The following ENTREP2 variants were observed in gnomAD, a reference collection of about 807,000 sequenced individuals.
ENTREP2 encodes endosomal transmembrane epsin interactor 2.
At chr15:29,318,542 G>C in the ENTREP2 span, among the ~76,000 whole-genome samples, 5 of 152,006 alleles carry the variant, frequency 3.3e-5, no homozygotes, top group Admixed American at 2.0e-4. Flanking sequence ...GGATGGTCTC[G>C]ATCTCCTGAC....
chr15:29,228,784 CA>C, the ENTREP2 span, among the ~76,000 whole-genome samples: 7 of 151,996 alleles, frequency 4.6e-5, no homozygotes, highest in African/African-American at 1.7e-4. Context: ...TAGAAATGTA[CA>C]AAAATATTGT....
the ENTREP2 span, among the ~76,000 whole-genome samples, chr15:29,224,311 G>A: frequency 4.6e-5 from 7 of 152,240 alleles, no homozygotes; most frequent in East Asian, 3.9e-4. Flanking sequence ...GATAAAGGCA[G>A]TTTGGACCCA....
At chr15:29,517,423 G>C in the ENTREP2 span, among the ~76,000 whole-genome samples, 1 of 152,192 alleles carries the variant, frequency 6.6e-6, no homozygotes, top group African/African-American at 2.4e-5. Flanking sequence ...GAACCCAGCT[G>C]TCTGGGTCCC....
the ENTREP2 span, among the ~76,000 whole-genome samples, chr15:29,219,614 A>AATAT: frequency 0.043 from 1,587 of 37,164 alleles, 146 homozygotes; most frequent in Non-Finnish European, 0.052. Flanking sequence ...GTGGTGCATA[A>AATAT]ATATATATAT....
At chr15:29,504,806 T>A in the ENTREP2 span, among the ~76,000 whole-genome samples, 1 of 152,208 alleles carries the variant, frequency 6.6e-6, no homozygotes, top group Admixed American at 6.5e-5. Context: ...ATTCATAACA[T>A]TTTTCATCTA....
At chr15:29,446,001 T>C in the ENTREP2 span, among the ~76,000 whole-genome samples, 1 of 152,204 alleles carries the variant, frequency 6.6e-6, no homozygotes, top group African/African-American at 2.4e-5. Context: ...GCATTCTAAA[T>C]TATTGAGAGT....
chr15:29,577,235 T>C, the ENTREP2 span, among the ~76,000 whole-genome samples: 2 of 151,872 alleles, frequency 1.3e-5, no homozygotes, highest in African/African-American at 4.8e-5. Flanking sequence ...GAAAATGGCA[T>C]GGTGACCCCT....
chr15:29,644,443 C>T, the ENTREP2 span, among the ~76,000 whole-genome samples: 1 of 152,140 alleles, frequency 6.6e-6, no homozygotes, highest in Non-Finnish European at 1.5e-5. Context: ...AGCCGGTTAT[C>T]GAAAGGAGTC....
the ENTREP2 span, among the ~76,000 whole-genome samples, chr15:29,225,676 C>T: frequency 1.3e-5 from 2 of 152,176 alleles, no homozygotes; most frequent in African/African-American, 2.4e-5. Context: ...AGTAGTATCA[C>T]GGTCGAGCAT....
chr15:29,269,855 C>T, the ENTREP2 span: 2 of 776,274 alleles, frequency 2.6e-6, no homozygotes, highest in Non-Finnish European at 3.7e-6. Flanking sequence ...CGCCTTGCGT[C>T]AGGGCGGCTG....
chr15:29,480,651 G>A, the ENTREP2 span, among the ~76,000 whole-genome samples: 2 of 152,280 alleles, frequency 1.3e-5, no homozygotes, highest in East Asian at 1.9e-4. Flanking sequence ...GAGGAGGAAC[G>A]TCTAGGAGGG....
At chr15:29,123,567 T>C in the ENTREP2 span, 1 of 1,551,754 alleles carries the variant, frequency 6.4e-7, no homozygotes, top group Non-Finnish European at 8.7e-7. Flanking sequence ...GCTCTGGTGT[T>C]GGCCGTTGGT....
At chr15:29,293,536 A>G in the ENTREP2 span, among the ~76,000 whole-genome samples, 5,803 of 152,014 alleles carry the variant, frequency 0.038, 150 homozygotes, top group Admixed American at 0.081. Flanking sequence ...GATTACAGGC[A>G]TGAGCCACCG....
chr15:29,595,129 C>G, the ENTREP2 span, among the ~76,000 whole-genome samples: 2 of 147,872 alleles, frequency 1.4e-5, no homozygotes, highest in Non-Finnish European at 3.0e-5. Flanking sequence ...TGGCACACAC[C>G]TGTAAACCCA....
the ENTREP2 span, among the ~76,000 whole-genome samples, chr15:29,480,618 C>G: frequency 6.6e-6 from 1 of 152,170 alleles, no homozygotes; most frequent in African/African-American, 2.4e-5. Flanking sequence ...AGCATGGGGC[C>G]CACTCTCCCA....
the ENTREP2 span, among the ~76,000 whole-genome samples, chr15:29,352,300 C>T: frequency 1.3e-5 from 2 of 152,162 alleles, no homozygotes; most frequent in Non-Finnish European, 2.9e-5. Flanking sequence ...GTTCTCCCCA[C>T]TTTACAGATG....
the ENTREP2 span, among the ~76,000 whole-genome samples, chr15:29,390,297 T>C: frequency 2.6e-5 from 4 of 152,170 alleles, no homozygotes; most frequent in Non-Finnish European, 2.9e-5. Flanking sequence ...AGCCATGAAA[T>C]TACCGCATCA....
At chr15:29,612,321 G>A in the ENTREP2 span, among the ~76,000 whole-genome samples, 1 of 152,114 alleles carries the variant, frequency 6.6e-6, no homozygotes, top group East Asian at 1.9e-4. Flanking sequence ...CCAGGGAGAA[G>A]CTACTCTCAC....
chr15:29,174,707 CAACAA>C, the ENTREP2 span, among the ~76,000 whole-genome samples: 2 of 138,362 alleles, frequency 1.4e-5, no homozygotes, highest in African/African-American at 3.1e-5. Flanking sequence ...CAAAACAAAA[CAACAA>C]AAAAAAAAAA....
Sources: allele counts gnomAD v4.1 joint callset (sites outside exome capture counted in the v4.1 genomes callset), GRCh38; gene constraint gnomAD v4.1.1; transcripts MANE v1.5; gene names NCBI Gene and HGNC (gene_info 2026-07-23, HGNC 2026-07-21).